The following ERC1 variants were observed in gnomAD, a reference collection of about 807,000 sequenced individuals.
ERC1 encodes ELKS/RAB6-interacting/CAST family member 1, also known as RAB6 interacting protein 2.
A neutral mutation model predicts 132.0 loss-of-function variants in ERC1; 56 were observed. The ratio of observed to expected loss-of-function variants is 0.42; its 90% CI spans 0.34 to 0.53. The LOEUF is 0.53. ERC1 is among the 20% of genes least tolerant of loss of function. ERC1 has a pLI of 0.03. For missense variants in ERC1, 1,202 were observed against 1,349.9 expected, an observed-to-expected ratio of 0.89 and a Z score of 1.72; for synonymous variants, 478 against 476.1, an observed-to-expected ratio of 1.00 and a Z score of -0.05.
chr12:1,213,112 C>A (rs1296406338), intron 12 of ERC1, among the ~76,000 whole-genome samples: 1 of 152,128 alleles, frequency 6.6e-6, no homozygotes, highest in African/African-American at 2.4e-5. Flanking sequence ...TACCTGTAAC[C>A]TAGCATTTAG....
At chr12:1,372,880 T>G (rs2087413983) in intron 16 of ERC1, among the ~76,000 whole-genome samples, 1 of 152,244 alleles carries the variant, frequency 6.6e-6, no homozygotes, top group South Asian at 2.1e-4. Flanking sequence ...CAATTGATGG[T>G]ATTTTGGCAT....
chr12:1,097,399 A>C (rs1427423352), intron 3 of ERC1, among the ~76,000 whole-genome samples: 1 of 152,166 alleles, frequency 6.6e-6, no homozygotes, highest in Non-Finnish European at 1.5e-5. Flanking sequence ...CCTGGTTTAG[A>C]ATAGCCTTTT....
At position 1,028,564 on chromosome 12, in the gene ERC1, G is replaced by A. The variant is rs375602886; in HGVS notation, c.661G>A (p.Glu221Lys). 1.9e-6 allele frequency: 3 copies of A among 1,606,736 alleles called. No homozygotes were observed. Among genetic ancestry groups the A allele is most frequent in the Non-Finnish European group, 2.5e-6 (3 of 1,176,612 alleles). ...WKEQYRVVQE[E>K]NQHMQMTIQA... is the part of the protein sequence containing the mutation. Reference sequence around the variant, plus strand: ...GGAACAGTACAGAGTTGTACAGGAGGAAAACCAGGTAAGTTCTACGTGTGT... The same window carrying A: ...GGAACAGTACAGAGTTGTACAGGAGAAAAACCAGGTAAGTTCTACGTGTGT... The change falls in exon 2 of 19, where the codon GAA (glutamate) becomes AAA (lysine). Residue 221 changes from glutamate to lysine, a missense_variant. Coordinates refer to ENST00000360905, the MANE Select transcript of ERC1 (RefSeq NM_178040.4).
intron 3 of ERC1, among the ~76,000 whole-genome samples, chr12:1,099,794 G>A (rs1286311864): frequency 6.8e-6 from 1 of 147,214 alleles, no homozygotes; most frequent in East Asian, 2.0e-4. Context: ...CAAATCATAA[G>A]TGAAAATGGG....
intron 15 of ERC1, among the ~76,000 whole-genome samples, chr12:1,332,835 G>A (rs2082972620): frequency 6.6e-6 from 1 of 152,140 alleles, no homozygotes; most frequent in Admixed American, 6.5e-5. Context: ...TAAGAGCATA[G>A]GGAGGTGAGG....
At chr12:1,485,201 C>CTCTTTTCTTTTTT (rs1555129709) in intron 18 of ERC1, among the ~76,000 whole-genome samples, 1 of 96,380 alleles carries the variant, frequency 1.0e-5, no homozygotes, top group African/African-American at 4.4e-5. Context: ...GTTTATATTT[C>CTCTTTTCTTTTTT]TTTTTTTTTT....
intron 18 of ERC1, among the ~76,000 whole-genome samples, chr12:1,484,071 T>A (rs76392972): frequency 8.0e-5 from 12 of 150,896 alleles, no homozygotes; most frequent in African/African-American, 1.2e-4. Flanking sequence ...TTTGGGAGGC[T>A]GAGGCGGGCG....
intron 5 of ERC1, among the ~76,000 whole-genome samples, chr12:1,111,807 A>G (rs557544079): frequency 6.6e-6 from 1 of 151,980 alleles, no homozygotes; most frequent in South Asian, 2.1e-4. Flanking sequence ...GGGTTTCACT[A>G]TGATGGCCAG....
intron 14 of ERC1, among the ~76,000 whole-genome samples, chr12:1,265,514 T>G (rs933960049): frequency 3.3e-5 from 5 of 152,234 alleles, no homozygotes; most frequent in Admixed American, 6.5e-5. Flanking sequence ...TCCCCTATTA[T>G]TAACATGTTG....
rs1440729284 is a variant in ERC1 at position 994,155 on chromosome 12, G to A, written c.-157+2833G>A. ...ACACTATGTTTACATTTAGAAGTAT[G>A]AGAGTTGTTAAATGTGTATTTTACA... On this transcript the variant is annotated intron_variant, in intron 1 of 18. Coordinates refer to ENST00000360905, the MANE Select transcript of ERC1 (RefSeq NM_178040.4). 1.1e-4 allele frequency among the ~76,000 whole-genome samples: 16 copies of A among 150,094 alleles called. No homozygotes were observed. In the South Asian group the frequency reaches 3.2e-3, roughly 30 times the overall value.
intron 8 of ERC1, among the ~76,000 whole-genome samples, chr12:1,144,706 T>G (rs1950191463): frequency 6.8e-6 from 1 of 147,572 alleles, no homozygotes; most frequent in Non-Finnish European, 1.5e-5. Context: ...TGGTGGGCAT[T>G]TGGGCTGGTT....
At chr12:1,302,204 ATGAAT>A (rs1444826640) in intron 15 of ERC1, among the ~76,000 whole-genome samples, 1 of 152,228 alleles carries the variant, frequency 6.6e-6, no homozygotes, top group Non-Finnish European at 1.5e-5. Context: ...GTATTCAAAA[ATGAAT>A]TAATTAAACT....
chr12:1,011,584 C>T (rs1016386181), intron 1 of ERC1, among the ~76,000 whole-genome samples: 1 of 152,154 alleles, frequency 6.6e-6, no homozygotes, highest in Non-Finnish European at 1.5e-5. Context: ...TAGGTTTCAG[C>T]TCATCTTTTG....
chr12:1,170,477 A>T (rs1299906321), intron 8 of ERC1, among the ~76,000 whole-genome samples: 1 of 152,232 alleles, frequency 6.6e-6, no homozygotes, highest in African/African-American at 2.4e-5. Flanking sequence ...AGCCATTCAC[A>T]TCGATGATGT....
chr12:1,289,084 TACACACACACACACACACACAC>T (rs57334239), intron 14 of ERC1, among the ~76,000 whole-genome samples: 4 of 102,880 alleles, frequency 3.9e-5, no homozygotes, highest in Admixed American at 2.3e-4. Flanking sequence ...ATCTGGTATG[TACACACACACACACACACACAC>T]ACACACACAC....
chr12:1,110,055 A>G (rs1031393199), intron 4 of ERC1, 137 bp from the exon 5 acceptor site: 3 of 692,620 alleles, frequency 4.3e-6, no homozygotes, highest in Non-Finnish European at 4.6e-6. Context: ...AAAGGAAGCA[A>G]GGCACCAATT....
intron 18 of ERC1, among the ~76,000 whole-genome samples, chr12:1,461,035 G>T (rs1381757148): frequency 9.3e-6 from 1 of 107,490 alleles, no homozygotes; most frequent in African/African-American, 3.6e-5. Context: ...AATTACAAAA[G>T]AAATATTTTA....
intron 18 of ERC1, among the ~76,000 whole-genome samples, chr12:1,456,524 C>T (rs1406871124): frequency 1.3e-5 from 2 of 151,882 alleles, no homozygotes; most frequent in East Asian, 1.9e-4. Flanking sequence ...CACCCTATGA[C>T]CAAGAAGATA....
intron 15 of ERC1, among the ~76,000 whole-genome samples, chr12:1,293,076 G>A (rs1213943283): frequency 4.0e-5 from 6 of 151,406 alleles, no homozygotes; most frequent in Non-Finnish European, 8.8e-5. Context: ...CCTGGAAGGC[G>A]GAGGTTGCAG....
Sources: allele counts gnomAD v4.1 joint callset (sites outside exome capture counted in the v4.1 genomes callset), GRCh38; gene constraint gnomAD v4.1.1; transcripts MANE v1.5; gene names NCBI Gene and HGNC (gene_info 2026-07-23, HGNC 2026-07-21).